Variants in L3MBTL4 observed in about 807,000 individuals in gnomAD.
L3MBTL4 encodes lethal(3)malignant brain tumor-like protein 4.
In L3MBTL4, 70 loss-of-function variants were observed where a neutral mutation model predicts 84.5. That is an observed-to-expected ratio of 0.83 (90% CI 0.68 to 1.01). The LOEUF (loss-of-function observed/expected upper bound fraction) is 1.01. Ranked by LOEUF, L3MBTL4 falls within the 50% of genes least tolerant of loss-of-function variation. The pLI is 0.00. For missense variants in L3MBTL4, 715 were observed against 754.8 expected (o/e 0.95, Z 0.62); for synonymous variants, 274 against 259.8 (o/e 1.05, Z -0.52).
chr18:6,045,211 AG>A (rs1486130302), intron 16 of L3MBTL4, among the ~76,000 whole-genome samples: 1 of 152,232 alleles, frequency 6.6e-6, no homozygotes, highest in Non-Finnish European at 1.5e-5. Context: ...ATGAGCCAAA[AG>A]GGATTGGGGG....
At chr18:6,217,033 C>T (rs1282782010) in intron 10 of L3MBTL4, among the ~76,000 whole-genome samples, 1 of 152,076 alleles carries the variant, frequency 6.6e-6, no homozygotes, top group Non-Finnish European at 1.5e-5. Context: ...GTCCTTTAAG[C>T]AGAAAGTCTG....
At chr18:6,328,839 GCAAAT>G (rs1341392610) in intron 1 of L3MBTL4, among the ~76,000 whole-genome samples, 2 of 152,166 alleles carry the variant, frequency 1.3e-5, no homozygotes, top group African/African-American at 4.8e-5. Context: ...GGAGACAAAG[GCAAAT>G]CACAGCCTCA....
intron 1 of L3MBTL4, among the ~76,000 whole-genome samples, chr18:6,326,251 G>C (rs1321756780): frequency 1.3e-5 from 2 of 152,132 alleles, no homozygotes; most frequent in Non-Finnish European, 2.9e-5. Flanking sequence ...AAGCAAAAAA[G>C]GTGTCTACTG....
intron 13 of L3MBTL4, among the ~76,000 whole-genome samples, chr18:6,169,866 A>T (rs2043879925): frequency 6.6e-6 from 1 of 152,006 alleles, no homozygotes; most frequent in Non-Finnish European, 1.5e-5. Context: ...TAATTAAAGT[A>T]TTTGGAAAAC....
chr18:5,981,900 C>T (rs377144342), intron 16 of L3MBTL4, among the ~76,000 whole-genome samples: 1 of 151,502 alleles, frequency 6.6e-6, no homozygotes, highest in Non-Finnish European at 1.5e-5. Flanking sequence ...AAATATCTCC[C>T]GATGCAACAT....
intron 14 of L3MBTL4, among the ~76,000 whole-genome samples, chr18:6,114,188 C>A (rs1340360274): frequency 6.6e-6 from 1 of 152,278 alleles, no homozygotes; most frequent in African/African-American, 2.4e-5. Flanking sequence ...CCTGTGTGTG[C>A]CAATGGCCTC....
intron 12 of L3MBTL4, among the ~76,000 whole-genome samples, chr18:6,200,118 A>T (rs2045588093): frequency 6.6e-6 from 1 of 152,236 alleles, no homozygotes; most frequent in African/African-American, 2.4e-5. Flanking sequence ...AAATTTCCTG[A>T]AGGCAGCAGC....
At chr18:6,146,411 G>A (rs896338200) in intron 13 of L3MBTL4, among the ~76,000 whole-genome samples, 2 of 152,170 alleles carry the variant, frequency 1.3e-5, no homozygotes, top group African/African-American at 2.4e-5. Context: ...AAGAGTGAGC[G>A]AGGCGGCTGA....
chr18:6,029,929 T>C (rs1411443499), intron 16 of L3MBTL4: 1 of 985,340 alleles, frequency 1.0e-6, no homozygotes, highest in African/African-American at 1.7e-5. Context: ...ACACTTTTTA[T>C]TTTCCAGTCA....
chr18:6,147,450 A>G (rs982683826), intron 13 of L3MBTL4, among the ~76,000 whole-genome samples: 1 of 152,178 alleles, frequency 6.6e-6, no homozygotes, highest in South Asian at 2.1e-4. Context: ...TTCATAATAC[A>G]TAAATAAAAT....
intron 4 of L3MBTL4, among the ~76,000 whole-genome samples, chr18:6,295,877 T>C (rs1457027550): frequency 6.6e-6 from 1 of 152,126 alleles, no homozygotes. Flanking sequence ...GACTAGATCA[T>C]GGGGGCAGAG....
intron 14 of L3MBTL4, among the ~76,000 whole-genome samples, chr18:6,132,765 G>C (rs938853094): frequency 2.0e-5 from 3 of 152,160 alleles, no homozygotes; most frequent in African/African-American, 7.2e-5. Context: ...ATGAGAGAAA[G>C]TTCAGAGAAG....
chr18:6,026,662 G>A (rs2055518962), intron 16 of L3MBTL4, among the ~76,000 whole-genome samples: 1 of 152,168 alleles, frequency 6.6e-6, no homozygotes, highest in South Asian at 2.1e-4. Context: ...ACCACACTGA[G>A]TAACACTATC....
At chr18:6,264,787 G>A (rs556510539) in intron 4 of L3MBTL4, among the ~76,000 whole-genome samples, 8 of 151,946 alleles carry the variant, frequency 5.3e-5, no homozygotes, top group African/African-American at 1.7e-4. Flanking sequence ...CTCATCTTGG[G>A]GAAAAAAAAA....
intron 1 of L3MBTL4, among the ~76,000 whole-genome samples, chr18:6,339,923 C>T (rs954327741): frequency 2.0e-5 from 3 of 152,058 alleles, no homozygotes; most frequent in African/African-American, 7.2e-5. Flanking sequence ...TAAATTGAAG[C>T]TCTTATTAAA....
chr18:6,037,139 T>A (rs2056178489), intron 16 of L3MBTL4, among the ~76,000 whole-genome samples: 1 of 151,998 alleles, frequency 6.6e-6, no homozygotes, highest in South Asian at 2.1e-4. Context: ...AGAGCACAGA[T>A]CCCTGACCTT....
chr18:6,395,614 T>G (rs1474175359), intron 1 of L3MBTL4: 4 of 152,206 alleles, frequency 2.6e-5, no homozygotes, highest in Non-Finnish European at 5.9e-5. Context: ...AATCATGGTC[T>G]CAGATAATAT....
intron 1 of L3MBTL4, among the ~76,000 whole-genome samples, chr18:6,394,276 T>C (rs897592365): frequency 1.3e-5 from 2 of 152,096 alleles, no homozygotes; most frequent in African/African-American, 4.8e-5. Context: ...GAGACCAGCC[T>C]AGCCAATATG....
intron 16 of L3MBTL4, among the ~76,000 whole-genome samples, chr18:5,987,290 C>T (rs955607403): frequency 1.3e-5 from 2 of 152,244 alleles, no homozygotes; most frequent in East Asian, 3.8e-4. Flanking sequence ...GGAGGGTCTT[C>T]TAAAATGTGT....
Sources: gnomAD v4.1 joint callset for allele counts (sites outside exome capture counted in the v4.1 genomes callset) on GRCh38, gnomAD v4.1.1 for gene constraint, MANE v1.5 for transcripts, NCBI Gene and HGNC (gene_info 2026-07-23, HGNC 2026-07-21) for gene names.